Variants in SEC24B observed in about 807,000 individuals in gnomAD.
The protein encoded by SEC24B is protein transport protein Sec24B.
Under a neutral mutation model 142.8 loss-of-function variants are expected in SEC24B, and 45 were observed. The ratio of observed to expected loss-of-function variants is 0.32; its 90% confidence interval spans 0.25 to 0.40. The LOEUF is 0.40. SEC24B is among the 10% of genes least tolerant of loss of function. The probability of loss-of-function intolerance (pLI) is 1.00; values close to 1 mark genes in which losing one functional copy is unlikely to be tolerated. For synonymous variants in SEC24B, 574 were observed against 568.2 expected, an observed-to-expected ratio of 1.01 and a Z score of -0.15; for missense variants, 1,409 against 1,526.8, an observed-to-expected ratio of 0.92 and a Z score of 1.29.
At chr4:109,535,822 A>C (rs1360265738) in intron 22 of SEC24B, among the ~76,000 whole-genome samples, 3 of 151,768 alleles carry the variant, frequency 2.0e-5, no homozygotes. Context: ...ACTGCGTTCC[A>C]GCCTGGGTGA....
rs1004001909 is a variant in SEC24B, at chr4:109,540,223, T to C, written c.*548T>C. On this transcript the variant is annotated 3_prime_UTR_variant, in exon 24 of 24. Coordinates refer to ENST00000265175, the MANE Select transcript of SEC24B (RefSeq NM_006323.5). Reference sequence around the variant, plus strand: ...GAAAAAAATCTATATATAATGTACATAAATGTTACATTTGTAAAGAAAATG... The same window carrying C: ...GAAAAAAATCTATATATAATGTACACAAATGTTACATTTGTAAAGAAAATG... 2 of 152,696 alleles carry C rather than the reference T, an allele frequency of 1.3e-5. No individual in the cohort carries two copies. Among genetic ancestry groups the C allele is most frequent in the African/African-American group, 2.4e-5 (1 of 41,474 alleles). The allele number at this position is 152,696 out of a possible 1,614,324, so 9.5% of individuals were successfully genotyped here.
chr4:109,531,610 T>TTA, intron 20 of SEC24B, 88 bp downstream of exon 20: 2 of 1,001,408 alleles, frequency 2.0e-6, no homozygotes, highest in Non-Finnish European at 2.9e-6. Flanking sequence ...TACTATCAAC[T>TTA]GGTTTTTCTT....
At position 109,463,626 on chromosome 4, in the gene SEC24B, A is replaced by G. The variant is rs1271496049; in HGVS notation, c.859A>G (p.Asn287Asp). Residue 287 changes from asparagine to aspartate, a missense_variant, in exon 2 of 24, where the codon AAC becomes GAC. Physicochemically the swap from Asn to Asp is conservative, Grantham distance 23. Transcript: ENST00000265175. ...NHTGSLAVANNNPTITVADSL... is the reference protein window; with the variant it reads ...NHTGSLAVANDNPTITVADSL... ...CACAGGATCCCTGGCTGTAGCGAAC[A>G]ACAACCCAACCATTACTGGTAGGTT... 1 of 1,613,186 alleles carries G rather than the reference A, an allele frequency of 6.2e-7. No individual in the cohort carries two copies. The highest frequency in any genetic ancestry group is 1.7e-4 in the Middle Eastern group (1 of 6,060).
At chr4:109,504,908 CGTAGCT>C (rs1736523836) in intron 6 of SEC24B, among the ~76,000 whole-genome samples, 1 of 151,930 alleles carries the variant, frequency 6.6e-6, no homozygotes, top group African/African-American at 2.4e-5. Flanking sequence ...TGGAGTGCTC[CGTAGCT>C]GTAAAAAGAA....
At chr4:109,445,214 A>AT (rs1482127371) in intron 1 of SEC24B, among the ~76,000 whole-genome samples, 2 of 138,668 alleles carry the variant, frequency 1.4e-5, no homozygotes, top group Admixed American at 7.1e-5. Flanking sequence ...ACGTCTGGCC[A>AT]TTTTTTTAGT....
chr4:109,510,143 C>G (rs1737167771), intron 8 of SEC24B, 32 bp downstream of exon 8: 3 of 1,229,144 alleles, frequency 2.4e-6, no homozygotes, highest in Non-Finnish European at 3.5e-6. Flanking sequence ...TTTATGGGTA[C>G]TGACATGTAT....
intron 22 of SEC24B, 31 bp from the exon 23 acceptor site, chr4:109,538,462 G>A (rs1725800287): frequency 6.8e-7 from 1 of 1,475,544 alleles, no homozygotes; most frequent in Admixed American, 1.7e-5. Flanking sequence ...TATGAGAAAG[G>A]AAAGTTTCCT....
chr4:109,533,927 T>C (rs932839851), intron 22 of SEC24B, among the ~76,000 whole-genome samples: 1 of 152,206 alleles, frequency 6.6e-6, no homozygotes, highest in South Asian at 2.1e-4. Context: ...TTTCTATCTA[T>C]GGATTTGCCT....
Position 109,462,957 on chromosome 4 carries a change from T to G in SEC24B, c.190T>G (p.Tyr64Asp), listed in dbSNP as rs1412712095. The G allele has an allele frequency of 6.2e-7, 1 of 1,613,582 alleles. No individual in the cohort carries two copies. Among genetic ancestry groups the G allele is most frequent in the Non-Finnish European group, 8.5e-7 (1 of 1,180,024 alleles). ...PSGYGLHHQN[Y>D]IAPSGHYSQG... Reference sequence around the variant, plus strand: ...TGGATATGGATTGCATCATCAAAACTATATTGCTCCCTCAGGACATTACTC... The same window carrying G: ...TGGATATGGATTGCATCATCAAAACGATATTGCTCCCTCAGGACATTACTC... Residue 64 changes from tyrosine to aspartate, a missense_variant, in exon 2 of 24, where the codon TAT (tyrosine) becomes GAT (aspartate). Tyr to Asp is a radical substitution (Grantham distance 160). Transcript: ENST00000265175.
Position 109,462,941 on chromosome 4 carries a change from A to C in SEC24B, c.174A>C (p.Gly58=). 6.2e-7 allele frequency: 1 copy of C among 1,612,444 alleles called. No individual in the cohort carries two copies. The highest frequency in any genetic ancestry group is 1.1e-5 in the South Asian group (1 of 91,062). ...AAATGCAGGTTCCATCTGGATATGG[A>C]TTGCATCATCAAAACTATATTGCTC... ...QNQMQVPSGY[G]LHHQNYIAPS... Residue 58 remains glycine, a synonymous_variant, in exon 2 of 24, where the codon GGA becomes GGC. Coordinates refer to ENST00000265175, the MANE Select transcript of SEC24B (RefSeq NM_006323.5).
At chr4:109,533,022 A>G (rs1047239341) in intron 21 of SEC24B, among the ~76,000 whole-genome samples, 3 of 152,250 alleles carry the variant, frequency 2.0e-5, no homozygotes, top group Admixed American at 1.3e-4. Flanking sequence ...TACTTGATGA[A>G]GAGAACTAAT....
intron 22 of SEC24B, among the ~76,000 whole-genome samples, chr4:109,534,366 C>T (rs949471662): frequency 6.6e-6 from 1 of 151,838 alleles, no homozygotes; most frequent in Non-Finnish European, 1.5e-5. Context: ...GCAGGCAGAT[C>T]ACAAAGTCAG....
chr4:109,462,946 A>G lies in SEC24B; in HGVS notation c.179A>G (p.His60Arg), dbSNP rs1731436324. 3.1e-6 allele frequency: 5 copies of G among 1,612,756 alleles called. No homozygotes were observed. The highest frequency in any genetic ancestry group is 2.7e-5 in the African/African-American group (2 of 74,908). The change falls in exon 2 of 24, where the codon CAT becomes CGT. Residue 60 changes from histidine to arginine, a missense_variant. Physicochemically the swap from His to Arg is conservative, Grantham distance 29. Around this residue, in one of 2 missense-constraint regions of SEC24B, gnomAD observed 709 missense variants for 673.5 expected, o/e 1.05. Coordinates refer to ENST00000265175, the MANE Select transcript of SEC24B (RefSeq NM_006323.5). ...CAGGTTCCATCTGGATATGGATTGC[A>G]TCATCAAAACTATATTGCTCCCTCA... ...QMQVPSGYGL[H>R]HQNYIAPSGH... is the part of the protein sequence containing the mutation.
At chr4:109,494,912 A>G (rs945416084) in intron 6 of SEC24B, 56 bp downstream of exon 6, 58 of 1,591,846 alleles carry the variant, frequency 3.6e-5, no homozygotes, top group Non-Finnish European at 5.2e-6. Flanking sequence ...AATTCTGACA[A>G]GTTACTGGTG....
At chr4:109,526,124 T>A in intron 16 of SEC24B, 102 bp from the exon 17 acceptor site, 1 of 1,159,612 alleles carries the variant, frequency 8.6e-7, no homozygotes, top group South Asian at 1.4e-5. Context: ...CAGTTATCCT[T>A]TTGATTCAAA....
chr4:109,519,609 G>C (rs1395213016), intron 11 of SEC24B, among the ~76,000 whole-genome samples: 2 of 152,144 alleles, frequency 1.3e-5, no homozygotes, highest in Admixed American at 1.3e-4. Flanking sequence ...AGTCTCACAG[G>C]AGTGAAGATT....
intron 3 of SEC24B, among the ~76,000 whole-genome samples, chr4:109,476,495 G>A (rs1287474238): frequency 7.8e-6 from 1 of 128,642 alleles, no homozygotes; most frequent in Admixed American, 7.0e-5. Flanking sequence ...TTCATTCTTA[G>A]TTTTTATTTT....
chr4:109,525,277 T>C (rs1578984951), intron 15 of SEC24B, 69 bp from the exon 16 acceptor site: 25 of 1,283,132 alleles, frequency 1.9e-5, no homozygotes, highest in Non-Finnish European at 2.5e-5. Context: ...ATGTAGAATC[T>C]GTACTACTGT....
At chr4:109,504,210 A>G (rs1455568114) in intron 6 of SEC24B, among the ~76,000 whole-genome samples, 1 of 152,214 alleles carries the variant, frequency 6.6e-6, no homozygotes, top group Non-Finnish European at 1.5e-5. Flanking sequence ...CATTTCTTAC[A>G]TAACCACAAT....
Sources: allele counts gnomAD v4.1 joint callset (sites outside exome capture counted in the v4.1 genomes callset), GRCh38; gene constraint gnomAD v4.1.1; regional missense constraint gnomAD v4.1.1; transcripts MANE v1.5; gene names NCBI Gene and HGNC (gene_info 2026-07-23, HGNC 2026-07-21).